The following ARHGEF33 variants were observed in gnomAD, a reference collection of about 807,000 sequenced individuals.
The protein encoded by ARHGEF33 is Rho guanine nucleotide exchange factor 33.
In ARHGEF33, 72 loss-of-function variants were observed where a neutral mutation model predicts 101.9. The observed-to-expected ratio is 0.71, with a 90% CI of 0.58 to 0.86. ARHGEF33 has a LOEUF of 0.86. ARHGEF33 is among the 40% of genes least tolerant of loss of function. The pLI, the probability that ARHGEF33 is intolerant of heterozygous loss-of-function variation, is 0.00. For synonymous variants in ARHGEF33, 499 were observed against 442.5 expected, an observed-to-expected ratio of 1.13 and a Z score of -1.60; for missense variants, 1,169 against 1,111.3, an observed-to-expected ratio of 1.05 and a Z score of -0.74.
Position 38,937,471 on chromosome 2 carries a change from C to A in ARHGEF33, c.702C>A (p.Val234=), listed in dbSNP as rs1293035720. The change falls in exon 9 of 18, where the codon GTC becomes GTA. Residue 234 remains valine (V), a synonymous_variant. Transcript: ENST00000409978. ...KDGKEWGEEY[V]TKDHPDKLKE... Reference sequence around the variant, plus strand: ...GTAAAGAATGGGGTGAAGAATACGTCACAAAAGACCACCCAGATAAACTCA... The same window carrying A: ...GTAAAGAATGGGGTGAAGAATACGTAACAAAAGACCACCCAGATAAACTCA... 5 of 1,550,678 alleles carry A rather than the reference C, an allele frequency of 3.2e-6. No homozygotes were observed. Among genetic ancestry groups the A allele is most frequent in the Non-Finnish European group, 4.4e-6 (5 of 1,146,344 alleles).
At chr2:38,946,914 C>A (rs1667466331) in intron 10 of ARHGEF33, among the ~76,000 whole-genome samples, 1 of 152,224 alleles carries the variant, frequency 6.6e-6, no homozygotes, top group African/African-American at 2.4e-5. Context: ...GTGTGAGCCA[C>A]TGTGCCCAGC....
chr2:38,937,338 T>A lies in ARHGEF33; in HGVS notation c.569T>A (p.Val190Glu). 2 of 595,996 alleles carry A rather than the reference T, an allele frequency of 3.4e-6. No homozygotes were observed. Among genetic ancestry groups the A allele is most frequent in the East Asian group, 7.0e-5 (1 of 14,200 alleles). The allele number at this position is 595,996 out of a possible 1,614,324, so 36.9% of individuals were successfully genotyped here. A position where few individuals can be genotyped will look rare whatever the true frequency, so the allele number is the denominator to read the frequency against. The part of the protein sequence containing the change: ...SNVKGMMGPG[V>E]NPTTPEAEEN... ...GCCCCTCCCCCCACCCCACCAGGAGTGAACCCAACAACTCCAGAAGCAGAA... is the reference window on the plus strand; with the variant it reads ...GCCCCTCCCCCCACCCCACCAGGAGAGAACCCAACAACTCCAGAAGCAGAA... The change falls in exon 9 of 18, where the codon GTG (valine) becomes GAG (glutamate). Residue 190 changes from valine (V) to glutamate (E), a missense_variant. Transcript: ENST00000409978.
At chr2:38,937,740 A>AG (rs1467827255) in intron 9 of ARHGEF33, among the ~76,000 whole-genome samples, 181 bp downstream of exon 9, 2 of 152,204 alleles carry the variant, frequency 1.3e-5, no homozygotes, top group Non-Finnish European at 2.9e-5. Flanking sequence ...TAGAGGTCAC[A>AG]GGGCCAGTGA....
chr2:38,972,065 TTC>T (rs1668176694), intron 17 of ARHGEF33: 1 of 675,106 alleles, frequency 1.5e-6, no homozygotes, highest in East Asian at 2.7e-5. Context: ...AGTAATGACT[TTC>T]TGATGAGAAA....
At chr2:38,900,197 A>G (rs1666209668) in intron 2 of ARHGEF33, among the ~76,000 whole-genome samples, 1 of 152,156 alleles carries the variant, frequency 6.6e-6, no homozygotes, top group African/African-American at 2.4e-5. Context: ...CCCCATCTCT[A>G]AAAATAAATA....
At chr2:38,929,190 G>C (rs949334705) in intron 5 of ARHGEF33, 119 bp downstream of exon 5, 17 of 669,756 alleles carry the variant, frequency 2.5e-5, no homozygotes, top group Middle Eastern at 4.6e-4. Context: ...CAGCACTTTG[G>C]GAGGCCGAGG....
intron 4 of ARHGEF33, among the ~76,000 whole-genome samples, chr2:38,926,397 G>A (rs904719550): frequency 2.0e-5 from 3 of 152,150 alleles, no homozygotes; most frequent in African/African-American, 7.2e-5. Context: ...GGTCAGGGTC[G>A]GTAGTTGAAA....
At chr2:38,902,021 A>C (rs1666253621) in intron 2 of ARHGEF33, among the ~76,000 whole-genome samples, 1 of 151,490 alleles carries the variant, frequency 6.6e-6, no homozygotes, top group Admixed American at 6.6e-5. Context: ...AGGCTGAGGC[A>C]GGAGAATGGC....
chr2:38,945,967 T>A (rs533504163), intron 10 of ARHGEF33, among the ~76,000 whole-genome samples: 1 of 152,350 alleles, frequency 6.6e-6, no homozygotes, highest in East Asian at 1.9e-4. Flanking sequence ...TTATACATCA[T>A]ACCACTTCCC....
intron 1 of ARHGEF33, among the ~76,000 whole-genome samples, chr2:38,895,273 A>C (rs1362320153): frequency 6.6e-6 from 1 of 152,254 alleles, no homozygotes; most frequent in African/African-American, 2.4e-5. Context: ...TTTTCTAAAT[A>C]GATTTGTTCT....
At chr2:38,924,681 T>C (rs1666835323) in intron 4 of ARHGEF33, among the ~76,000 whole-genome samples, 1 of 152,214 alleles carries the variant, frequency 6.6e-6, no homozygotes, top group African/African-American at 2.4e-5. Flanking sequence ...ACATATCATA[T>C]GTAATGTTTG....
intron 10 of ARHGEF33, 27 bp from the exon 11 acceptor site, chr2:38,950,962 G>A (rs1426220263): frequency 6.5e-7 from 1 of 1,548,038 alleles, no homozygotes; most frequent in East Asian, 2.4e-5. Context: ...CCTTGTTTGT[G>A]TGATTCCGTC....
chr2:38,951,768 G>A (rs1040637418), intron 11 of ARHGEF33, among the ~76,000 whole-genome samples: 3 of 151,834 alleles, frequency 2.0e-5, no homozygotes, highest in Admixed American at 2.0e-4. Flanking sequence ...ATGAGAGTTT[G>A]TATATACATG....
intron 2 of ARHGEF33, among the ~76,000 whole-genome samples, chr2:38,915,577 G>C (rs1186207846): frequency 1.3e-5 from 2 of 151,680 alleles, no homozygotes; most frequent in African/African-American, 4.8e-5. Flanking sequence ...TCACCATGTT[G>C]GCCAGGCTGG....
At chr2:38,905,707 A>C (rs545235133) in intron 2 of ARHGEF33, among the ~76,000 whole-genome samples, 2 of 152,324 alleles carry the variant, frequency 1.3e-5, no homozygotes, top group Admixed American at 1.3e-4. Flanking sequence ...CATAGATTGC[A>C]TTATCAGAAA....
Position 38,899,150 on chromosome 2 carries a change from T to C in ARHGEF33, c.-86+3301T>C, listed in dbSNP as rs548127481. Among the ~76,000 whole-genome samples the C allele has an allele frequency of 3.3e-5, 5 of 152,314 alleles. No individual in the cohort carries two copies. The South Asian group carries it at 8.3e-4, about 25-fold the overall frequency. On this transcript the variant is annotated intron_variant, in intron 2 of 17. Coordinates refer to ENST00000409978, the MANE Select transcript of ARHGEF33 (RefSeq NM_001145451.5). ...TGAAATTAAATTCAACTCAAACTTG[T>C]GTTGAGTGCCCACTGTGAATAGTTC...
Position 38,937,308 on chromosome 2 carries a change from TCCCCGCCCCTCC to T in ARHGEF33, c.566-22_566-11del. On this transcript the variant is annotated splice_polypyrimidine_tract_variant and intron_variant, in intron 8 of 17. Transcript: ENST00000409978. ...GATTTTGATAGCAGTTTTCTTTGTT[TCCCCGCCCCTCC>T]CCCCACCCCACCAGGAGTGAACCCA... The T allele has an allele frequency of 1.7e-6, 1 of 593,046 alleles. No homozygotes were observed. Among genetic ancestry groups the T allele is most frequent in the Non-Finnish European group, 2.9e-6 (1 of 341,424 alleles). The allele number at this position is 593,046 out of a possible 1,614,324, so 36.7% of individuals were successfully genotyped here. A position where few individuals can be genotyped will look rare whatever the true frequency, so the allele number is the denominator to read the frequency against.
At chr2:38,940,170 T>C (rs1014282656) in intron 9 of ARHGEF33, among the ~76,000 whole-genome samples, 1 of 152,252 alleles carries the variant, frequency 6.6e-6, no homozygotes, top group Admixed American at 6.5e-5. Flanking sequence ...CTTGACAGTA[T>C]TGAGTCTTCC....
In ARHGEF33 at chr2:38,958,149, G is replaced by A; in HGVS notation, c.1486G>A (p.Glu496Lys). Reference protein sequence around the residue: ...AVRDTGIHSEELLQPYPSAPS... With the variant: ...AVRDTGIHSEKLLQPYPSAPS... ...CCGTGACACTGGGATCCACTCAGAA[G>A]AGTTGCTGCAACCCTACCCTTCTGC... The change falls in exon 15 of 18, where the codon GAG becomes AAG. Residue 496 changes from glutamate (E) to lysine (K), a missense_variant. By Grantham distance (56) the Glu-to-Lys change is moderately conservative. Transcript: ENST00000409978. 1 of 1,551,912 alleles carries A rather than the reference G, an allele frequency of 6.4e-7. No homozygotes were observed. Among genetic ancestry groups the A allele is most frequent in the Non-Finnish European group, 8.7e-7 (1 of 1,147,050 alleles).
Sources: allele counts gnomAD v4.1 joint callset (sites outside exome capture counted in the v4.1 genomes callset), GRCh38; gene constraint gnomAD v4.1.1; transcripts MANE v1.5; gene names NCBI Gene and HGNC (gene_info 2026-07-23, HGNC 2026-07-21).